The following NAV3 variants were observed in gnomAD, a reference collection of about 807,000 sequenced individuals.
NAV3 encodes neuron navigator 3, also known as pore membrane and/or filament interacting like protein 1.
Under a neutral mutation model 244.7 loss-of-function variants are expected in NAV3, and 87 were observed. The observed-to-expected ratio is 0.36, with a 90% confidence interval of 0.30 to 0.42. NAV3 has a LOEUF of 0.42. Among genes scored for constraint, NAV3 ranks in the 20% least tolerant of loss-of-function variants. NAV3 has a pLI of 1.00. For synonymous variants in NAV3, 1,126 were observed against 1,042.2 expected (o/e 1.08, Z -1.55); for missense variants, 2,663 against 2,893.3 (o/e 0.92, Z 1.83).
At chr12:78,140,259 A>C (rs1381313532) in intron 19 of NAV3, 23 bp from the exon 20 acceptor site, 1 of 1,607,882 alleles carries the variant, frequency 6.2e-7, no homozygotes, top group South Asian at 1.1e-5. Flanking sequence ...TTTTAACTCT[A>C]TTGTTCTGTT....
intron 2 of NAV3, among the ~76,000 whole-genome samples, chr12:77,769,338 A>G (rs996807031): frequency 2.0e-5 from 3 of 152,240 alleles, no homozygotes; most frequent in Non-Finnish European, 4.4e-5. Flanking sequence ...AACCTTAGAC[A>G]TATGTAAAAT....
At chr12:77,623,094 A>C (rs1451695596) in intron 2 of NAV3, among the ~76,000 whole-genome samples, 1 of 152,226 alleles carries the variant, frequency 6.6e-6, no homozygotes, top group East Asian at 1.9e-4. Flanking sequence ...GTGAATCATC[A>C]GTGTCTGTTT....
At chr12:77,729,167 A>G (rs535271345) in intron 2 of NAV3, among the ~76,000 whole-genome samples, 2 of 152,130 alleles carry the variant, frequency 1.3e-5, no homozygotes, top group Non-Finnish European at 2.9e-5. Context: ...TTATATGTGG[A>G]TTTTTGACTG....
rs541672484 is a variant in NAV3 at position 77,976,854 on chromosome 12, T to A, written c.671+8152T>A. On this transcript the variant is annotated intron_variant, in intron 5 of 39. Coordinates refer to ENST00000397909, the MANE Select transcript of NAV3 (RefSeq NM_001024383.2). ...CCACCACATCTGGCTAATTTTTGTA[T>A]TTTTAGTAGAGACAGGGTTTCACCA... Among the ~76,000 whole-genome samples the A allele has an allele frequency of 2.4e-3, 360 of 151,932 alleles. 1 individual carries two copies. The highest frequency in any genetic ancestry group is 0.017 in the Middle Eastern group (5 of 294).
At chr12:78,202,971 A>G (rs1959880299) in intron 38 of NAV3, among the ~76,000 whole-genome samples, 1 of 152,134 alleles carries the variant, frequency 6.6e-6, no homozygotes, top group African/African-American at 2.4e-5. Flanking sequence ...TTAAGTTTAG[A>G]GTAATAAAAT....
At chr12:77,940,061 C>G (rs897885238) in intron 1 of NAV3, among the ~76,000 whole-genome samples, 1 of 152,158 alleles carries the variant, frequency 6.6e-6, no homozygotes, top group African/African-American at 2.4e-5. Flanking sequence ...CAGTAGTCAT[C>G]CCAGAGGGAA....
intron 4 of NAV3, among the ~76,000 whole-genome samples, chr12:77,968,259 G>C (rs1299718783): frequency 6.6e-6 from 1 of 152,162 alleles, no homozygotes; most frequent in Non-Finnish European, 1.5e-5. Flanking sequence ...TGTAGTTCAA[G>C]GTCAGCAAAG....
At chr12:77,812,946 C>T (rs1159660612) in intron 2 of NAV3, among the ~76,000 whole-genome samples, 1 of 152,130 alleles carries the variant, frequency 6.6e-6, no homozygotes, top group Non-Finnish European at 1.5e-5. Flanking sequence ...CATGCCTCAG[C>T]CTCCTAAGTA....
intron 2 of NAV3, among the ~76,000 whole-genome samples, chr12:77,715,488 T>C (rs1876319045): frequency 6.6e-6 from 1 of 151,902 alleles, no homozygotes; most frequent in African/African-American, 2.4e-5. Flanking sequence ...CATTAATAAA[T>C]TATTACAATA....
chr12:78,016,808 A>T (rs1335482477), intron 8 of NAV3, among the ~76,000 whole-genome samples: 1 of 152,162 alleles, frequency 6.6e-6, no homozygotes, highest in Non-Finnish European at 1.5e-5. Flanking sequence ...ATGACATTAA[A>T]GATTAGAGGT....
chr12:77,995,740 A>G (rs1224267333), intron 6 of NAV3, among the ~76,000 whole-genome samples: 6 of 152,134 alleles, frequency 3.9e-5, no homozygotes, highest in African/African-American at 1.2e-4. Context: ...AGCCAAAATA[A>G]TTCTCGAAAG....
chr12:78,163,574 A>C (rs1397803392), intron 23 of NAV3, among the ~76,000 whole-genome samples: 3 of 152,130 alleles, frequency 2.0e-5, no homozygotes, highest in Non-Finnish European at 4.4e-5. Flanking sequence ...TCTCAAAAAA[A>C]TAAAAATTAC....
At chr12:77,691,818 G>A (rs866179044) in intron 2 of NAV3, among the ~76,000 whole-genome samples, 4 of 151,698 alleles carry the variant, frequency 2.6e-5, no homozygotes, top group Admixed American at 1.3e-4. Flanking sequence ...CTTGTCCAAC[G>A]TTACACAGCT....
intron 12 of NAV3, among the ~76,000 whole-genome samples, chr12:78,084,124 ACATTTCCCTGCTC>A (rs1953502523): frequency 6.6e-6 from 1 of 152,146 alleles, no homozygotes; most frequent in African/African-American, 2.4e-5. Flanking sequence ...CAGAAATCCT[ACATTTCCCTGCTC>A]CACTCTTTCA....
intron 2 of NAV3, among the ~76,000 whole-genome samples, chr12:77,633,173 G>C (rs1871992459): frequency 1.3e-5 from 2 of 151,964 alleles, no homozygotes; most frequent in South Asian, 4.1e-4. Flanking sequence ...CCTAAAAGTT[G>C]TGTGTTCTAT....
At chr12:77,981,880 C>G (rs1275902257) in intron 5 of NAV3, among the ~76,000 whole-genome samples, 2 of 152,010 alleles carry the variant, frequency 1.3e-5, no homozygotes, top group East Asian at 3.9e-4. Flanking sequence ...ATCAAGAGTA[C>G]TACATGTCTC....
At chr12:77,591,799 A>G (rs1005786367) in intron 2 of NAV3, among the ~76,000 whole-genome samples, 5 of 152,316 alleles carry the variant, frequency 3.3e-5, no homozygotes, top group African/African-American at 9.6e-5. Flanking sequence ...ATGTATGTGT[A>G]TCTATCTATA....
At chr12:77,598,928 T>G (rs1321582059) in intron 2 of NAV3, among the ~76,000 whole-genome samples, 1 of 152,034 alleles carries the variant, frequency 6.6e-6, no homozygotes, top group Non-Finnish European at 1.5e-5. Context: ...GGTACTACAT[T>G]GTACAACAAA....
In NAV3 at chr12:77,831,292, T is replaced by A. The variant is rs548445005; in HGVS notation, c.-170T>A. ...GAAAGAAAAGATACTTAACTAAAGA[T>A]GCAGGGAAGTTTTGCCTCTTCCTGA... On this transcript the variant is annotated 5_prime_UTR_variant, in exon 1 of 40. It removes an upstream start codon present in the reference 5' UTR. Transcript: ENST00000397909. The A allele has an allele frequency of 2.3e-4, 135 of 577,932 alleles. 1 individual carries two copies. The highest frequency in any genetic ancestry group is 1.5e-3 in the Middle Eastern group (4 of 2,756). The allele number at this position is 577,932 out of a possible 1,614,324, so 35.8% of individuals were successfully genotyped here. A position where few individuals can be genotyped will look rare whatever the true frequency, so the allele number is the denominator to read the frequency against.
Sources: allele counts gnomAD v4.1 joint callset (sites outside exome capture counted in the v4.1 genomes callset), GRCh38; gene constraint gnomAD v4.1.1; transcripts MANE v1.5; gene names NCBI Gene and HGNC (gene_info 2026-07-23, HGNC 2026-07-21).